Variants in MAP4K3 observed in about 807,000 individuals in gnomAD.
MAP4K3 encodes mitogen-activated protein kinase kinase kinase kinase 3.
In MAP4K3, 94 loss-of-function variants were observed where a neutral mutation model predicts 143.5. The ratio of observed to expected loss-of-function variants is 0.65; its 90% CI spans 0.55 to 0.78. The LOEUF (loss-of-function observed/expected upper bound fraction) is 0.78, where lower values mean the gene tolerates loss of function less well. MAP4K3 is among the 30% of genes least tolerant of loss of function. The probability of loss-of-function intolerance (pLI) is 0.00; values close to 1 mark genes in which losing one functional copy is unlikely to be tolerated. For missense variants in MAP4K3, 1,077 were observed against 1,068.1 expected, an observed-to-expected ratio of 1.01 and a Z score of -0.12; for synonymous variants, 416 against 347.2, an observed-to-expected ratio of 1.20 and a Z score of -2.20.
intron 8 of MAP4K3, among the ~76,000 whole-genome samples, chr2:39,326,665 G>A (rs1479626164): frequency 1.3e-5 from 2 of 152,118 alleles, no homozygotes; most frequent in Non-Finnish European, 1.5e-5. Context: ...AGAATGATAT[G>A]GTTTGGCTCT....
chr2:39,335,396 G>A (rs1481475288), intron 6 of MAP4K3, among the ~76,000 whole-genome samples: 2 of 152,188 alleles, frequency 1.3e-5, no homozygotes, highest in Admixed American at 1.3e-4. Flanking sequence ...AAATGGTGGC[G>A]ATGACCCAAA....
chr2:39,435,866 T>C (rs1477448701), intron 1 of MAP4K3, among the ~76,000 whole-genome samples: 1 of 152,232 alleles, frequency 6.6e-6, no homozygotes, highest in African/African-American at 2.4e-5. Context: ...CTGGCTGCAC[T>C]GTATTAAATA....
chr2:39,345,000 T>C (rs1416143280), intron 3 of MAP4K3, among the ~76,000 whole-genome samples: 2 of 152,198 alleles, frequency 1.3e-5, no homozygotes, highest in African/African-American at 4.8e-5. Flanking sequence ...CTCTAGTCAG[T>C]CCTTGTGTCT....
intron 31 of MAP4K3, among the ~76,000 whole-genome samples, chr2:39,255,829 C>G (rs534642089): frequency 7.2e-5 from 11 of 152,230 alleles, no homozygotes; most frequent in Non-Finnish European, 1.3e-4. Flanking sequence ...CCTGGCCATT[C>G]CATATGAATT....
At chr2:39,423,023 TATATC>T (rs1664929668) in intron 1 of MAP4K3, among the ~76,000 whole-genome samples, 1 of 152,108 alleles carries the variant, frequency 6.6e-6, no homozygotes, top group Non-Finnish European at 1.5e-5. Flanking sequence ...CTGCATAACA[TATATC>T]TGATAGAGGA....
intron 2 of MAP4K3, among the ~76,000 whole-genome samples, chr2:39,361,578 T>C (rs1229701977): frequency 2.6e-5 from 4 of 151,878 alleles, no homozygotes; most frequent in Non-Finnish European, 5.9e-5. Context: ...CAATAACATA[T>C]TAGAATATGT....
chr2:39,260,472 C>T, intron 29 of MAP4K3, 134 bp downstream of exon 29: 1 of 702,520 alleles, frequency 1.4e-6, no homozygotes, highest in South Asian at 1.9e-5. Flanking sequence ...GTAATCTTCC[C>T]TTCTTCCAGT....
intron 33 of MAP4K3, 47 bp from the exon 34 acceptor site, chr2:39,250,752 A>T: frequency 6.6e-7 from 1 of 1,525,270 alleles, no homozygotes; most frequent in Non-Finnish European, 9.0e-7. Flanking sequence ...ATTCCTGAAA[A>T]TTAATGTTAG....
chr2:39,391,200 C>T (rs924660381), intron 1 of MAP4K3, among the ~76,000 whole-genome samples: 5 of 149,652 alleles, frequency 3.3e-5, no homozygotes, highest in African/African-American at 1.2e-4. Flanking sequence ...CTAAAAAAAA[C>T]ACACAAAAAT....
chr2:39,380,275 CT>C (rs572825738), intron 1 of MAP4K3, among the ~76,000 whole-genome samples: 76 of 152,052 alleles, frequency 5.0e-4, no homozygotes, highest in Non-Finnish European at 5.6e-4. Flanking sequence ...ACTTCTAAGC[CT>C]TTCCTTAGTA....
rs533944078 is a variant in MAP4K3, at chr2:39,293,235, A to G, written c.1212T>C (p.His404=). The G allele has an allele frequency of 6.4e-6, 10 of 1,550,840 alleles. No homozygotes were observed. In the Admixed American group the frequency reaches 1.7e-4, roughly 27 times the overall value. Residue 404 remains histidine, a synonymous_variant, in exon 17 of 34, where the codon CAT becomes CAC. Coordinates refer to ENST00000263881, the MANE Select transcript of MAP4K3 (RefSeq NM_003618.4). ...AGATTAAAAATTAAAATTACCGCTG[A>G]TGCAATTCTTCTTCAACAGACTTGA... ...SLLKSVEEEL[H]QRGHVAHLED... is the part of the protein sequence containing the mutation.
chr2:39,252,951 T>C (rs1381150253), intron 32 of MAP4K3, among the ~76,000 whole-genome samples: 1 of 150,448 alleles, frequency 6.6e-6, no homozygotes, highest in African/African-American at 2.5e-5. Flanking sequence ...CTCAGGTGAC[T>C]TTTTGGGTGA....
intron 8 of MAP4K3, among the ~76,000 whole-genome samples, 153 bp downstream of exon 8, chr2:39,331,764 T>C (rs1053402861): frequency 1.3e-5 from 2 of 152,102 alleles, no homozygotes; most frequent in African/African-American, 4.8e-5. Context: ...GGCCATGTAA[T>C]CCACCCATAA....
chr2:39,400,233 C>G (rs1666917530), intron 1 of MAP4K3, among the ~76,000 whole-genome samples: 1 of 152,164 alleles, frequency 6.6e-6, no homozygotes. Flanking sequence ...TTCTCTGTTT[C>G]TATTACTAGT....
At chr2:39,274,376 C>T (rs868591693) in intron 24 of MAP4K3, among the ~76,000 whole-genome samples, 12 of 152,062 alleles carry the variant, frequency 7.9e-5, no homozygotes, top group African/African-American at 2.9e-4. Context: ...GCCACCACGC[C>T]CGGCTAATTT....
chr2:39,374,678 T>G (rs1322573102), intron 2 of MAP4K3, among the ~76,000 whole-genome samples: 1 of 151,948 alleles, frequency 6.6e-6, no homozygotes, highest in South Asian at 2.1e-4. Context: ...CAAGACTCCA[T>G]CACAAATTAA....
At chr2:39,389,179 A>T (rs1163766072) in intron 1 of MAP4K3, among the ~76,000 whole-genome samples, 1 of 152,212 alleles carries the variant, frequency 6.6e-6, no homozygotes, top group African/African-American at 2.4e-5. Flanking sequence ...GACAGGACAA[A>T]AAGAACAAAA....
chr2:39,385,011 ACT>A (rs1275012880), intron 1 of MAP4K3, among the ~76,000 whole-genome samples: 2 of 152,070 alleles, frequency 1.3e-5, no homozygotes, highest in African/African-American at 4.8e-5. Flanking sequence ...ACATCTTTAG[ACT>A]CTTCTTTCAC....
intron 2 of MAP4K3, among the ~76,000 whole-genome samples, chr2:39,375,723 C>T (rs939221442): frequency 6.6e-6 from 1 of 152,126 alleles, no homozygotes; most frequent in African/African-American, 2.4e-5. Flanking sequence ...CTAGATTATT[C>T]CCATAAGACC....
Sources: gnomAD v4.1 joint callset for allele counts (sites outside exome capture counted in the v4.1 genomes callset) on GRCh38, gnomAD v4.1.1 for gene constraint, MANE v1.5 for transcripts, NCBI Gene and HGNC (gene_info 2026-07-23, HGNC 2026-07-21) for gene names.